Variants in RALGPS1 observed in about 807,000 individuals in gnomAD.
The protein encoded by RALGPS1 is Ral GEF with PH domain and SH3 binding motif 1.
RALGPS1 carries 19 observed loss-of-function variants against 78.8 expected under a neutral mutation model. That is an observed-to-expected ratio of 0.24 (90% CI 0.17 to 0.35). The LOEUF is 0.35. Ranked by LOEUF, RALGPS1 falls within the 10% of genes least tolerant of loss-of-function variation. The probability of loss-of-function intolerance (pLI) is 1.00; values close to 1 mark genes in which losing one functional copy is unlikely to be tolerated. For missense variants in RALGPS1, 454 were observed against 688.3 expected (o/e 0.66, Z 3.81); for synonymous variants, 228 against 256.3 (o/e 0.89, Z 1.06).
chr9:126,915,624 C>T (rs548741700), intron 1 of RALGPS1: 47 of 152,974 alleles, frequency 3.1e-4, no homozygotes, highest in Non-Finnish European at 5.8e-4. Flanking sequence ...CCGTCCGGGC[C>T]TGCCTGTGCC....
At chr9:126,939,352 A>G (rs1181740527) in intron 1 of RALGPS1, among the ~76,000 whole-genome samples, 1 of 152,208 alleles carries the variant, frequency 6.6e-6, no homozygotes, top group Non-Finnish European at 1.5e-5. Context: ...TATTGAGAAC[A>G]CAATAGACTA....
At chr9:126,927,829 CG>C (rs1454774020) in intron 1 of RALGPS1, among the ~76,000 whole-genome samples, 4 of 152,168 alleles carry the variant, frequency 2.6e-5, no homozygotes, top group African/African-American at 9.7e-5. Flanking sequence ...GGCAGCTGAT[CG>C]GAACAGTTTG....
At chr9:127,046,632 A>C (rs929041773) in intron 5 of RALGPS1, among the ~76,000 whole-genome samples, 2 of 150,948 alleles carry the variant, frequency 1.3e-5, no homozygotes, top group African/African-American at 2.4e-5. Context: ...CAATAATAAG[A>C]GAAAACCTGC....
chr9:127,033,412 A>G (rs568097767), intron 4 of RALGPS1, among the ~76,000 whole-genome samples: 11 of 151,922 alleles, frequency 7.2e-5, no homozygotes, highest in African/African-American at 2.2e-4. Context: ...GGCTGTTCCT[A>G]CTGCTCCCCT....
At chr9:127,210,101 A>C (rs928892741) in intron 14 of RALGPS1, among the ~76,000 whole-genome samples, 4 of 152,202 alleles carry the variant, frequency 2.6e-5, no homozygotes, top group Admixed American at 2.6e-4. Flanking sequence ...ACTGCTGGGG[A>C]GTGCATGTGA....
At chr9:127,084,974 G>A (rs2051556257) in intron 8 of RALGPS1, among the ~76,000 whole-genome samples, 1 of 152,176 alleles carries the variant, frequency 6.6e-6, no homozygotes, top group African/African-American at 2.4e-5. Flanking sequence ...AGGGGGTCTT[G>A]GGAGATCAGA....
intron 4 of RALGPS1, among the ~76,000 whole-genome samples, chr9:127,015,748 A>G (rs2044754447): frequency 6.6e-6 from 1 of 152,134 alleles, no homozygotes; most frequent in African/African-American, 2.4e-5. Context: ...CATGGAAAAC[A>G]TGTGGGACAC....
At chr9:127,046,842 G>A (rs957559948) in intron 5 of RALGPS1, among the ~76,000 whole-genome samples, 31 of 151,880 alleles carry the variant, frequency 2.0e-4, no homozygotes, top group Non-Finnish European at 3.5e-4. Flanking sequence ...AGTTCAGAAG[G>A]CAAATAATAC....
At chr9:127,135,388 G>A (rs2057321042) in intron 8 of RALGPS1, among the ~76,000 whole-genome samples, 1 of 152,236 alleles carries the variant, frequency 6.6e-6, no homozygotes, top group African/African-American at 2.4e-5. Context: ...GGGCACAGAG[G>A]CTGGAGAGGG....
intron 11 of RALGPS1, among the ~76,000 whole-genome samples, chr9:127,177,280 T>G (rs2059934709): frequency 6.6e-6 from 1 of 152,018 alleles, no homozygotes; most frequent in African/African-American, 2.4e-5. Flanking sequence ...GTGGAGGAGA[T>G]CCTGTTGCTG....
At chr9:127,149,166 C>G (rs2058275504) in intron 8 of RALGPS1, among the ~76,000 whole-genome samples, 1 of 152,170 alleles carries the variant, frequency 6.6e-6, no homozygotes, top group African/African-American at 2.4e-5. Context: ...CTCTAGAGCC[C>G]CACCCTGTCC....
rs550322273 is a variant in RALGPS1, at chr9:127,131,720, C to T, written c.611-34349C>T. On this transcript the variant is annotated intron_variant, in intron 8 of 18. Coordinates refer to ENST00000259351, the MANE Select transcript of RALGPS1 (RefSeq NM_014636.3). ...GCAACTTAGGGAGGCTCCTGACCCT[C>T]GTGTCTTCATCTGTAGGATCATCCT... Among the ~76,000 whole-genome samples, 16 of 152,276 alleles carry T rather than the reference C, an allele frequency of 1.1e-4. No homozygotes were observed. The South Asian group carries it at 1.5e-3, about 14-fold the overall frequency.
intron 8 of RALGPS1, among the ~76,000 whole-genome samples, chr9:127,120,058 A>G (rs1161871299): frequency 6.6e-6 from 1 of 152,238 alleles, no homozygotes; most frequent in Non-Finnish European, 1.5e-5. Context: ...AAGATGTATC[A>G]GTGTTGTCTG....
chr9:126,969,443 T>G (rs2039879180), intron 3 of RALGPS1, among the ~76,000 whole-genome samples: 1 of 152,178 alleles, frequency 6.6e-6, no homozygotes, highest in Non-Finnish European at 1.5e-5. Flanking sequence ...GCTAGCAACA[T>G]TTCACATGCT....
At chr9:126,932,250 T>C (rs2035860603) in intron 1 of RALGPS1, among the ~76,000 whole-genome samples, 2 of 152,168 alleles carry the variant, frequency 1.3e-5, no homozygotes, top group South Asian at 4.1e-4. Flanking sequence ...AATATTATGT[T>C]GGTGAGGTTG....
At chr9:126,985,517 A>C (rs2133009919) in intron 4 of RALGPS1, among the ~76,000 whole-genome samples, 1 of 152,330 alleles carries the variant, frequency 6.6e-6, no homozygotes, top group South Asian at 2.1e-4. Flanking sequence ...ATATTTATAT[A>C]TTTTATTTTA....
At chr9:127,103,518 C>T (rs375116245) in intron 8 of RALGPS1, among the ~76,000 whole-genome samples, 2 of 152,302 alleles carry the variant, frequency 1.3e-5, no homozygotes, top group East Asian at 3.9e-4. Flanking sequence ...GAAGGAACCC[C>T]AGAGGATATG....
intron 14 of RALGPS1, among the ~76,000 whole-genome samples, chr9:127,203,391 G>A (rs935230690): frequency 5.9e-5 from 9 of 152,158 alleles, no homozygotes; most frequent in African/African-American, 2.2e-4. Flanking sequence ...AAGTATGAAA[G>A]TGCCACAAAG....
chr9:127,029,062 A>G (rs948854838), intron 4 of RALGPS1, among the ~76,000 whole-genome samples: 1 of 152,060 alleles, frequency 6.6e-6, no homozygotes, highest in African/African-American at 2.4e-5. Context: ...TGTGGACATC[A>G]TGCACCTTTG....
Sources: gnomAD v4.1 joint callset for allele counts (sites outside exome capture counted in the v4.1 genomes callset) on GRCh38, gnomAD v4.1.1 for gene constraint, MANE v1.5 for transcripts, NCBI Gene and HGNC (gene_info 2026-07-23, HGNC 2026-07-21) for gene names.